Variants in ZC3H14 observed in about 807,000 individuals in gnomAD.
ZC3H14 encodes zinc finger CCCH domain-containing protein 14.
ZC3H14 carries 31 observed loss-of-function variants against 92.4 expected under a neutral mutation model. The observed-to-expected ratio is 0.34, with a 90% CI of 0.25 to 0.45. The LOEUF (loss-of-function observed/expected upper bound fraction) is 0.45, where lower values mean the gene tolerates loss of function less well. ZC3H14 is among the 20% of genes least tolerant of loss of function. The pLI, the probability that ZC3H14 is intolerant of heterozygous loss-of-function variation, is 1.00. For missense variants in ZC3H14, 781 were observed against 897.3 expected (o/e 0.87, Z 1.66); for synonymous variants, 321 against 300.9 (o/e 1.07, Z -0.69).
At chr14:88,604,895 A>G (rs1241108894) in intron 12 of ZC3H14, among the ~76,000 whole-genome samples, 3 of 152,162 alleles carry the variant, frequency 2.0e-5, no homozygotes, top group Non-Finnish European at 2.9e-5. Context: ...TGCCTGGCCT[A>G]TAGCTTTCAA....
chr14:88,580,911 A>G (rs1004098901), intron 9 of ZC3H14, among the ~76,000 whole-genome samples: 1 of 152,240 alleles, frequency 6.6e-6, no homozygotes, highest in Non-Finnish European at 1.5e-5. Context: ...CTGGAAGAAA[A>G]TGGACTAGCA....
chr14:88,606,950 T>C (rs2085506048), intron 12 of ZC3H14, among the ~76,000 whole-genome samples: 1 of 152,128 alleles, frequency 6.6e-6, no homozygotes, highest in Non-Finnish European at 1.5e-5. Flanking sequence ...TCTCTATTTT[T>C]AATTCAGCTA....
At position 88,613,788 on chromosome 14, in the gene ZC3H14, T is replaced by C. The variant is rs2087181284; in HGVS notation, c.*2037T>C. The C allele has an allele frequency of 6.6e-6, 1 of 152,130 alleles. No homozygotes were observed. The highest frequency in any genetic ancestry group is 6.6e-5 in the Admixed American group (1 of 15,264). 9.4% of individuals were successfully genotyped at this position (152,130 alleles called of 1,614,324 possible). A position where few individuals can be genotyped will look rare whatever the true frequency, so the allele number is the denominator to read the frequency against. On this transcript the variant is annotated 3_prime_UTR_variant, in exon 17 of 17. Transcript: ENST00000251038. ...GTGCCAGAAGTCCCAGGTTACACAA[T>C]CAGGAGCTTAGATACTGCACACAAA...
Position 88,615,539 on chromosome 14 carries a change from TCA to T in ZC3H14, c.*3794_*3795del. ...AATTTTCCCAGCAGGTCTGCCGAAA[TCA>T]CACACTTCCCAATACAGGGGGACTT... On this transcript the variant is annotated 3_prime_UTR_variant, in exon 17 of 17. Coordinates refer to ENST00000251038, the MANE Select transcript of ZC3H14 (RefSeq NM_024824.5). 5.7e-6 allele frequency: 2 copies of T among 349,876 alleles called. No individual in the cohort carries two copies. The highest frequency in any genetic ancestry group is 7.2e-4 in the Middle Eastern group (1 of 1,390). 21.7% of individuals were successfully genotyped at this position (349,876 alleles called of 1,614,324 possible). A position where few individuals can be genotyped will look rare whatever the true frequency, so the allele number is the denominator to read the frequency against.
chr14:88,594,614 T>G, intron 9 of ZC3H14: 1 of 1,595,926 alleles, frequency 6.3e-7, no homozygotes, highest in Non-Finnish European at 8.5e-7. Context: ...GGTAACAGCC[T>G]TGATCACTGC....
intron 10 of ZC3H14, among the ~76,000 whole-genome samples, chr14:88,598,299 C>T (rs1450591147): frequency 2.0e-5 from 3 of 152,188 alleles, no homozygotes; most frequent in Non-Finnish European, 4.4e-5. Context: ...TGTGGGCACC[C>T]TGATGTCACT....
chr14:88,577,856 A>G (rs899287068), intron 8 of ZC3H14, 129 bp from the exon 9 acceptor site: 1 of 1,228,988 alleles, frequency 8.1e-7, no homozygotes, highest in African/African-American at 1.5e-5. Flanking sequence ...GGCATGAGCC[A>G]CTGCGCCCAG....
intron 9 of ZC3H14, among the ~76,000 whole-genome samples, chr14:88,580,439 C>G (rs11623858): frequency 5.3e-5 from 8 of 152,064 alleles, no homozygotes; most frequent in African/African-American, 1.4e-4. Context: ...TGAAGATCAG[C>G]CAGGGCAACA....
chr14:88,626,709 T>C lies in ZC3H14; in HGVS notation c.*14958T>C. The C allele has an allele frequency of 1.1e-6, 1 of 910,092 alleles. No individual in the cohort carries two copies. The highest frequency in any genetic ancestry group is 1.7e-5 in the South Asian group (1 of 57,630). The allele number at this position is 910,092 out of a possible 1,614,324, so 56.4% of individuals were successfully genotyped here. The stretch of plus-strand genomic sequence containing the variant: ...CTAGATTTTTGAAAGATGAAATATA[T>C]GCTTGACCAGGGCATGTAATGATTA... On this transcript the variant is annotated 3_prime_UTR_variant, in exon 17 of 17. Transcript: ENST00000251038.
Position 88,627,367 on chromosome 14 carries a change from A to G in ZC3H14, c.*15616A>G. The G allele has an allele frequency of 2.2e-6, 1 of 461,240 alleles. No individual in the cohort carries two copies. Among genetic ancestry groups the G allele is most frequent in the South Asian group, 3.5e-5 (1 of 28,460 alleles). 28.6% of individuals were successfully genotyped at this position (461,240 alleles called of 1,614,324 possible). A position where few individuals can be genotyped will look rare whatever the true frequency, so the allele number is the denominator to read the frequency against. On this transcript the variant is annotated 3_prime_UTR_variant, in exon 17 of 17. Transcript: ENST00000251038. ...AAGAATCTCCAAAACCAATCAAATC[A>G]TTAATAATAAATACATAGTTTCTTG...
rs1484170283 is a variant in ZC3H14, at chr14:88,613,409, T to C, written c.*1658T>C. 6.8e-6 allele frequency: 1 copy of C among 147,502 alleles called. No individual in the cohort carries two copies. Among genetic ancestry groups the C allele is most frequent in the Non-Finnish European group, 1.5e-5 (1 of 67,938 alleles). The allele number at this position is 147,502 out of a possible 1,614,324, so 9.1% of individuals were successfully genotyped here. On this transcript the variant is annotated 3_prime_UTR_variant, in exon 17 of 17. Transcript: ENST00000251038. ...TTTTAGCTATCATTTATAAAGATAG[T>C]TTTGTTCTCAGTTTCACTATAAATT...
At chr14:88,567,528 A>AT (rs1247731895) in intron 2 of ZC3H14, among the ~76,000 whole-genome samples, 1 of 150,322 alleles carries the variant, frequency 6.7e-6, no homozygotes. Flanking sequence ...GTTAAAATTG[A>AT]TTTTTTTAAA....
In ZC3H14 at chr14:88,615,917, A is replaced by G; in HGVS notation, c.*4166A>G. ...GTTTTTAGATTTTCATAACAGTTTA[A>G]TATTTTTCAGTTGTGCTTTCAGGTT... On this transcript the variant is annotated 3_prime_UTR_variant, in exon 17 of 17. Transcript: ENST00000251038. 6.5e-7 allele frequency: 1 copy of G among 1,548,702 alleles called. No homozygotes were observed.
rs998569271 is a variant in ZC3H14, at chr14:88,610,436, A to G, written c.2098-398A>G. ...TAAGTCCATTTTTCAAGGCTTCACT[A>G]GTATTAAAATGGTCCTTATAGATGG... is the stretch of plus-strand genomic sequence containing the variant. On this transcript the variant is annotated intron_variant, in intron 15 of 16. Transcript: ENST00000251038. 3.3e-5 allele frequency among the ~76,000 whole-genome samples: 5 copies of G among 152,278 alleles called. 1 individual carries two copies. The highest frequency in any genetic ancestry group is 3.9e-4 in the East Asian group (2 of 5,186).
intron 9 of ZC3H14, among the ~76,000 whole-genome samples, chr14:88,593,104 A>T (rs2083364395): frequency 6.6e-6 from 1 of 151,456 alleles, no homozygotes; most frequent in Non-Finnish European, 1.5e-5. Flanking sequence ...AGTAGCTGGG[A>T]TAACAGGCGT....
At position 88,627,304 on chromosome 14, in the gene ZC3H14, G is replaced by A; in HGVS notation, c.*15553G>A. 1 of 510,974 alleles carries A rather than the reference G, an allele frequency of 2.0e-6. No homozygotes were observed. The highest frequency in any genetic ancestry group is 2.8e-5 in the South Asian group (1 of 35,356). 31.7% of individuals were successfully genotyped at this position (510,974 alleles called of 1,614,324 possible). A position where few individuals can be genotyped will look rare whatever the true frequency, so the allele number is the denominator to read the frequency against. On this transcript the variant is annotated 3_prime_UTR_variant, in exon 17 of 17. Transcript: ENST00000251038. ...GTGTGGTAGGTAATATTATCCTGCT[G>A]ATCTGCCATTATCATTAGAAATATA...
intron 16 of ZC3H14, 77 bp from the exon 17 acceptor site, chr14:88,611,668 A>G (rs751153778): frequency 8.7e-5 from 137 of 1,573,690 alleles, no homozygotes; most frequent in Non-Finnish European, 1.1e-4. Context: ...AAACTAGTCA[A>G]CTTTTTAAAC....
chr14:88,606,860 G>A (rs1347052427), intron 12 of ZC3H14, among the ~76,000 whole-genome samples: 3 of 151,820 alleles, frequency 2.0e-5, no homozygotes, highest in Non-Finnish European at 2.9e-5. Context: ...TCTTGCTGGC[G>A]TGTGAGGATT....
chr14:88,578,267 A>T, intron 9 of ZC3H14, 127 bp downstream of exon 9: 1 of 1,351,522 alleles, frequency 7.4e-7, no homozygotes, highest in Non-Finnish European at 1.0e-6. Flanking sequence ...AAATAGAATG[A>T]GAAGAATACC....
Sources: gnomAD v4.1 joint callset for allele counts (sites outside exome capture counted in the v4.1 genomes callset) on GRCh38, gnomAD v4.1.1 for gene constraint, MANE v1.5 for transcripts, NCBI Gene and HGNC (gene_info 2026-07-23, HGNC 2026-07-21) for gene names.